The following HMCN1 variants were observed in gnomAD, a reference collection of about 807,000 sequenced individuals.
The protein encoded by HMCN1 is hemicentin 1, also known as hemicentin-1.
HMCN1 carries 321 observed loss-of-function variants against 625.9 expected under a neutral mutation model. That is an observed-to-expected ratio of 0.51 (90% confidence interval 0.47 to 0.56). The LOEUF (loss-of-function observed/expected upper bound fraction) is 0.56, where lower values mean the gene tolerates loss of function less well. Among genes scored for constraint, HMCN1 ranks in the 20% least tolerant of loss-of-function variants. The probability of loss-of-function intolerance (pLI) is 0.00; values close to 1 mark genes in which losing one functional copy is unlikely to be tolerated. For synonymous variants in HMCN1, 2,425 were observed against 2,417.6 expected (o/e 1.00, Z -0.09); for missense variants, 6,588 against 6,887.3 (o/e 0.96, Z 1.54).
At chr1:185,960,249 C>T (rs1347406171) in intron 11 of HMCN1, among the ~76,000 whole-genome samples, 1 of 151,700 alleles carries the variant, frequency 6.6e-6, no homozygotes, top group Non-Finnish European at 1.5e-5. Context: ...CTGCCTCAGC[C>T]TCCCAAGTAG....
At chr1:185,941,523 T>C (rs561039917) in intron 11 of HMCN1, among the ~76,000 whole-genome samples, 89 of 152,326 alleles carry the variant, frequency 5.8e-4, no homozygotes, top group African/African-American at 2.0e-3. Flanking sequence ...CTTTAAATTC[T>C]TTCTGAACCA....
chr1:185,803,895 G>A (rs1202684498), intron 1 of HMCN1, among the ~76,000 whole-genome samples: 1 of 151,966 alleles, frequency 6.6e-6, no homozygotes, highest in Non-Finnish European at 1.5e-5. Flanking sequence ...TTTAGTCATT[G>A]CTTTTTGGCT....
intron 1 of HMCN1, among the ~76,000 whole-genome samples, chr1:185,841,823 T>C (rs887062865): frequency 6.6e-6 from 1 of 152,176 alleles, no homozygotes; most frequent in African/African-American, 2.4e-5. Context: ...CCCTATGAGG[T>C]GGTTATAAGG....
In HMCN1 at chr1:186,045,880, A is replaced by G. The variant is rs367673758; in HGVS notation, c.6480+17A>G. 160 of 1,564,092 alleles carry G rather than the reference A, an allele frequency of 1.0e-4. 4 individuals are homozygous for G. In the East Asian group the frequency reaches 1.1e-3, roughly 11 times the overall value. On this transcript the variant is annotated intron_variant, in intron 41 of 106. Coordinates refer to ENST00000271588, the MANE Select transcript of HMCN1 (RefSeq NM_031935.3). ...GTGTTAAAGGTAAGGATATGGATTC[A>G]TTTATTTTACCTTATGTTATTAGAA...
chr1:185,958,125 A>G (rs1330670034), intron 11 of HMCN1, among the ~76,000 whole-genome samples: 2 of 152,154 alleles, frequency 1.3e-5, no homozygotes, highest in South Asian at 4.1e-4. Flanking sequence ...TTCACACCCA[A>G]ACTGGAGTGC....
intron 68 of HMCN1, among the ~76,000 whole-genome samples, chr1:186,102,460 A>G (rs1162528312): frequency 6.6e-6 from 1 of 152,130 alleles, no homozygotes; most frequent in Non-Finnish European, 1.5e-5. Flanking sequence ...TAATTGTAAA[A>G]TAGATACAGA....
At chr1:185,867,798 C>T (rs1397238839) in intron 4 of HMCN1, among the ~76,000 whole-genome samples, 1 of 152,154 alleles carries the variant, frequency 6.6e-6, no homozygotes, top group African/African-American at 2.4e-5. Flanking sequence ...AGGCTGAGCG[C>T]AGTGGCTCAC....
chr1:186,078,206 A>G lies in HMCN1; in HGVS notation c.8585A>G (p.Asp2862Gly). The change falls in exon 55 of 107, where the codon GAT (aspartate) becomes GGT (glycine). Residue 2862 changes from aspartate to glycine, a missense_variant. By Grantham distance (94) the Asp-to-Gly change is moderately conservative. Around this residue, in one of 3 missense-constraint regions of HMCN1, gnomAD observed 4,628 missense variants for 4,853.1 expected, o/e 0.95. Transcript: ENST00000271588. ...GCTGGAGAAGATTCCCTTCAATATG[A>G]TGTCCGTGTACTCGGTGAGTTTTTC... ...NEAGEDSLQY[D>G]VRVLVPPIIK... The G allele has an allele frequency of 6.2e-7, 1 of 1,608,242 alleles. No individual in the cohort carries two copies. Among genetic ancestry groups the G allele is most frequent in the Non-Finnish European group, 8.5e-7 (1 of 1,175,036 alleles).
intron 50 of HMCN1, among the ~76,000 whole-genome samples, 154 bp from the exon 51 acceptor site, chr1:186,069,509 A>G (rs1240433602): frequency 6.6e-6 from 1 of 152,212 alleles, no homozygotes; most frequent in African/African-American, 2.4e-5. Context: ...AATCCCCATC[A>G]GTATTGCAGT....
intron 1 of HMCN1, among the ~76,000 whole-genome samples, chr1:185,821,006 A>G (rs530447782): frequency 3.9e-5 from 6 of 152,046 alleles, no homozygotes; most frequent in Admixed American, 1.3e-4. Flanking sequence ...ATTGATGAAA[A>G]CATTATGTAC....
At chr1:186,135,425 C>G (rs928008221) in intron 86 of HMCN1, among the ~76,000 whole-genome samples, 1 of 152,140 alleles carries the variant, frequency 6.6e-6, no homozygotes, top group Non-Finnish European at 1.5e-5. Flanking sequence ...ATTTTAGACT[C>G]TCTTCTGAAG....
intron 71 of HMCN1, among the ~76,000 whole-genome samples, chr1:186,111,479 C>T (rs1361249695): frequency 6.6e-6 from 1 of 151,840 alleles, no homozygotes; most frequent in East Asian, 1.9e-4. Context: ...CAAGACCCCA[C>T]CTGAATTTAA....
intron 54 of HMCN1, among the ~76,000 whole-genome samples, chr1:186,076,889 C>T (rs973109762): frequency 1.3e-5 from 2 of 152,082 alleles, no homozygotes; most frequent in African/African-American, 4.8e-5. Flanking sequence ...CTTGTGCCTC[C>T]ATTTCTCTTT....
chr1:186,110,993 T>TTTTTTTTTTTTTTTTTTTA (rs1660854227), intron 71 of HMCN1, among the ~76,000 whole-genome samples: 1 of 123,412 alleles, frequency 8.1e-6, no homozygotes, highest in African/African-American at 3.4e-5. Context: ...TTTTTTTTTT[T>TTTTTTTTTTTTTTTTTTTA]TTTTTGAGAC....
intron 83 of HMCN1, among the ~76,000 whole-genome samples, chr1:186,128,931 T>C (rs939315318): frequency 6.0e-5 from 9 of 149,752 alleles, no homozygotes; most frequent in African/African-American, 2.2e-4. Flanking sequence ...CTAAGTGTCT[T>C]GCTAGAAAAG....
At chr1:185,781,728 T>C (rs1191538359) in intron 1 of HMCN1, among the ~76,000 whole-genome samples, 1 of 152,240 alleles carries the variant, frequency 6.6e-6, no homozygotes, top group African/African-American at 2.4e-5. Context: ...TATTATACTT[T>C]CCGTTCTTTT....
intron 1 of HMCN1, among the ~76,000 whole-genome samples, chr1:185,736,605 C>T (rs1653593319): frequency 6.6e-6 from 1 of 152,196 alleles, no homozygotes; most frequent in African/African-American, 2.4e-5. Context: ...TTGCTGTAAA[C>T]AGAATACAAA....
intron 36 of HMCN1, among the ~76,000 whole-genome samples, chr1:186,033,605 A>T (rs1026586121): frequency 4.4e-5 from 4 of 91,200 alleles, no homozygotes; most frequent in Admixed American, 1.2e-4. Context: ...GTTATTTTTT[A>T]TTAAAAAAAA....
chr1:185,809,399 G>A (rs1216707177), intron 1 of HMCN1, among the ~76,000 whole-genome samples: 2 of 151,718 alleles, frequency 1.3e-5, no homozygotes, highest in Non-Finnish European at 1.5e-5. Context: ...ACATACATGT[G>A]ATTATATATA....
Sources: allele counts gnomAD v4.1 joint callset (sites outside exome capture counted in the v4.1 genomes callset), GRCh38; gene constraint gnomAD v4.1.1; regional missense constraint gnomAD v4.1.1; transcripts MANE v1.5; gene names NCBI Gene and HGNC (gene_info 2026-07-23, HGNC 2026-07-21).